The following SLU7 variants were observed in gnomAD, a reference collection of about 807,000 sequenced individuals.
The protein encoded by SLU7 is spliceosome associated SLU7.
In SLU7, 60 loss-of-function variants were observed where a neutral mutation model predicts 87.0. That is an observed-to-expected ratio of 0.69 (90% CI 0.56 to 0.86). The LOEUF (loss-of-function observed/expected upper bound fraction) is 0.86, where lower values mean the gene tolerates loss of function less well. Among genes scored for constraint, SLU7 ranks in the 40% least tolerant of loss-of-function variants. The pLI, the probability that SLU7 is intolerant of heterozygous loss-of-function variation, is 0.00. For synonymous variants in SLU7, 197 were observed against 222.0 expected (o/e 0.89, Z 1.00); for missense variants, 507 against 686.6 (o/e 0.74, Z 2.92).
At chr5:160,409,315 G>C (rs1027143712) in intron 6 of SLU7, among the ~76,000 whole-genome samples, 2 of 151,852 alleles carry the variant, frequency 1.3e-5, no homozygotes, top group Admixed American at 6.6e-5. Context: ...TTCTTCGCTA[G>C]CAATTGGTCA....
rs771953752 is a variant in SLU7, at chr5:160,412,522, T to TA, written c.571-4_571-3insT. 1.3e-4 allele frequency: 77 copies of TA among 587,212 alleles called. No individual in the cohort carries two copies. Among genetic ancestry groups the TA allele is most frequent in the South Asian group, 4.8e-4 (11 of 22,702 alleles). 36.4% of individuals were successfully genotyped at this position (587,212 alleles called of 1,614,324 possible). ...TGGGCTTTCAATGTTCGTTTTGCCTTTAAAAAAAAAAAAAAGAAAGAAAGA... is the reference window on the plus strand; with the variant it reads ...TGGGCTTTCAATGTTCGTTTTGCCTTATAAAAAAAAAAAAAAGAAAGAAAGA... On this transcript the variant is annotated splice_polypyrimidine_tract_variant and splice_region_variant and intron_variant, in intron 5 of 15. Coordinates refer to ENST00000297151, the MANE Select transcript of SLU7 (RefSeq NM_006425.5).
intron 6 of SLU7, among the ~76,000 whole-genome samples, chr5:160,410,888 A>T (rs1283423904): frequency 1.1e-4 from 16 of 142,356 alleles, no homozygotes; most frequent in African/African-American, 4.2e-4. Flanking sequence ...TTTTTTTGAG[A>T]CGGAGTCTCA....
At chr5:160,409,606 A>G (rs573098107) in intron 6 of SLU7, among the ~76,000 whole-genome samples, 8 of 152,322 alleles carry the variant, frequency 5.3e-5, no homozygotes, top group Admixed American at 1.3e-4. Flanking sequence ...CATGTCAATT[A>G]TATAAAGATG....
Position 160,407,804 on chromosome 5 carries a change from A to G in SLU7, c.927T>C (p.Tyr309=), listed in dbSNP as rs1381975136. ...NAGKNPDEVS[Y]AGDNFVRYTG... ...TGTACCTAACAAAGTTATCTCCAGC[A>G]TAACTCACTCTGTAAATACAAATAA... is the stretch of plus-strand genomic sequence containing the variant. Residue 309 remains tyrosine (Y), a synonymous_variant, in exon 10 of 16, where the codon TAT becomes TAC. Coordinates refer to ENST00000297151, the MANE Select transcript of SLU7 (RefSeq NM_006425.5). This position sits in a 1 kb window ranked among gnomAD's most constrained non-coding sequence, Gnocchi z 4.2. The G allele has an allele frequency of 2.5e-6, 4 of 1,610,182 alleles. No individual in the cohort carries two copies. Among genetic ancestry groups the G allele is most frequent in the Admixed American group, 3.3e-5 (2 of 59,998 alleles).
intron 6 of SLU7, 135 bp from the exon 7 acceptor site, chr5:160,408,832 ATTATATT>A (rs1414483212): frequency 2.0e-4 from 15 of 75,154 alleles, no homozygotes; most frequent in African/African-American, 8.3e-4. Context: ...TTTATTATAT[ATTATATT>A]TATATTATAT....
At position 160,402,429 on chromosome 5, in the gene SLU7, G is replaced by A. The variant is rs952858176; in HGVS notation, c.*856C>T. On this transcript the variant is annotated 3_prime_UTR_variant, in exon 16 of 16. Coordinates refer to ENST00000297151, the MANE Select transcript of SLU7 (RefSeq NM_006425.5). The stretch of plus-strand genomic sequence containing the variant: ...TCCAGAGGCCAAGGAAGAGAGAATC[G>A]CTTGAGCCCAAGACTGCAGGGCATT... 14 of 152,046 alleles carry A rather than the reference G, an allele frequency of 9.2e-5. No individual in the cohort carries two copies. The highest frequency in any genetic ancestry group is 3.9e-4 in the East Asian group (2 of 5,192). 9.4% of individuals were successfully genotyped at this position (152,046 alleles called of 1,614,324 possible).
At chr5:160,412,348 C>T in intron 6 of SLU7, 103 bp downstream of exon 6, 1 of 732,012 alleles carries the variant, frequency 1.4e-6, no homozygotes, top group Middle Eastern at 3.8e-4. Flanking sequence ...AATAGCATTT[C>T]TCTCTTCCTA....
chr5:160,408,984 G>A (rs984892841), intron 6 of SLU7, among the ~76,000 whole-genome samples: 1 of 151,088 alleles, frequency 6.6e-6, no homozygotes, highest in South Asian at 2.1e-4. Context: ...ATACAAGAGT[G>A]CCATTGTAAA....
At position 160,407,680 on chromosome 5, in the gene SLU7, G is replaced by A; in HGVS notation, c.986-65C>T. ...ATTACTGTATGCTTCTTGAAAACAA[G>A]CTTTAAACAATCCCAAACGTCTTAT... On this transcript the variant is annotated intron_variant, in intron 10 of 15. Coordinates refer to ENST00000297151, the MANE Select transcript of SLU7 (RefSeq NM_006425.5). The surrounding 1 kb of genome is among the most constrained non-coding windows in gnomAD (Gnocchi z 4.2). 1.2e-6 allele frequency: 2 copies of A among 1,601,938 alleles called. No individual in the cohort carries two copies. The highest frequency in any genetic ancestry group is 1.7e-5 in the Admixed American group (1 of 57,740).
rs758853073 is a variant in SLU7 at position 160,407,619 on chromosome 5, G to C, written c.986-4C>G. ...TCATAGGCTTCCCATGCAAACACTA[G>C]AGTAATTCAAAACATCTTAGTGAGT... On this transcript the variant is annotated splice_region_variant and splice_polypyrimidine_tract_variant and intron_variant, in intron 10 of 15. Transcript: ENST00000297151. This position sits in a 1 kb window ranked among gnomAD's most constrained non-coding sequence, Gnocchi z 4.2. 22 of 1,608,482 alleles carry C rather than the reference G, an allele frequency of 1.4e-5. No individual in the cohort carries two copies. In the South Asian group the frequency reaches 2.2e-4, roughly 16 times the overall value.
intron 14 of SLU7, 52 bp from the exon 15 acceptor site, chr5:160,404,608 G>A (rs775666646): frequency 8.6e-6 from 11 of 1,277,290 alleles, no homozygotes; most frequent in Non-Finnish European, 1.2e-5. Context: ...CAAAGCTCAG[G>A]TGCACTACTT....
chr5:160,412,966 A>G (rs1175353203), intron 5 of SLU7, among the ~76,000 whole-genome samples: 4 of 152,202 alleles, frequency 2.6e-5, no homozygotes, highest in Non-Finnish European at 5.9e-5. Flanking sequence ...CAGTGTGACT[A>G]TGACTTCAAA....
intron 2 of SLU7, 87 bp from the exon 3 acceptor site, chr5:160,414,559 T>C: frequency 1.2e-6 from 1 of 837,980 alleles, no homozygotes; most frequent in Non-Finnish European, 1.7e-6. Flanking sequence ...TTATACAAAA[T>C]CTAAGAACAG....
chr5:160,414,095 G>A, intron 3 of SLU7, 116 bp from the exon 4 acceptor site: 1 of 724,670 alleles, frequency 1.4e-6, no homozygotes, highest in East Asian at 3.0e-5. Flanking sequence ...AGGAAAATAA[G>A]TTAGAGTCTC....
intron 2 of SLU7, 114 bp downstream of exon 2, chr5:160,415,011 C>A (rs1765392411): frequency 3.3e-6 from 3 of 914,496 alleles, no homozygotes; most frequent in Non-Finnish European, 4.8e-6. Context: ...AAATAAAAAA[C>A]AAAAATGACA....
Position 160,414,310 on chromosome 5 carries a change from C to T in SLU7, c.324+9G>A, listed in dbSNP as rs779479838. 1 of 1,585,006 alleles carries T rather than the reference C, an allele frequency of 6.3e-7. No individual in the cohort carries two copies. The highest frequency in any genetic ancestry group is 1.9e-5 in the Admixed American group (1 of 53,550). On this transcript the variant is annotated intron_variant, in intron 3 of 15. Coordinates refer to ENST00000297151, the MANE Select transcript of SLU7 (RefSeq NM_006425.5). ...TATCCATGAAGATGTATACAGGTTGCCTACATACCTCTTTTACACCCCTCT... is the reference window on the plus strand; with the variant it reads ...TATCCATGAAGATGTATACAGGTTGTCTACATACCTCTTTTACACCCCTCT...
At chr5:160,411,256 G>C (rs1262412522) in intron 6 of SLU7, among the ~76,000 whole-genome samples, 1 of 151,906 alleles carries the variant, frequency 6.6e-6, no homozygotes, top group African/African-American at 2.4e-5. Flanking sequence ...GATTGAGATA[G>C]AGTCTCGCTC....
intron 6 of SLU7, 107 bp from the exon 7 acceptor site, chr5:160,408,804 T>C: frequency 5.1e-6 from 1 of 197,170 alleles, no homozygotes; most frequent in South Asian, 1.2e-4. Flanking sequence ...AATAATATAT[T>C]TATATAATAA....
At chr5:160,413,737 A>T in intron 4 of SLU7, 117 bp from the exon 5 acceptor site, 1 of 1,068,380 alleles carries the variant, frequency 9.4e-7, no homozygotes, top group Non-Finnish European at 1.3e-6. Context: ...TTAGTCTTAC[A>T]GTAGAAAATT....
Sources: gnomAD v4.1 joint callset for allele counts (sites outside exome capture counted in the v4.1 genomes callset) on GRCh38, gnomAD v4.1.1 for gene constraint, Gnocchi (gnomAD v3.1) non-coding constraint, MANE v1.5 for transcripts, NCBI Gene and HGNC (gene_info 2026-07-23, HGNC 2026-07-21) for gene names.